Variants in PRKAB1 observed in about 807,000 individuals in gnomAD.
PRKAB1 encodes the protein 5'-AMP-activated protein kinase subunit beta-1.
In PRKAB1, 18 loss-of-function variants were observed where a neutral mutation model predicts 32.0. The observed-to-expected ratio is 0.56, with a 90% CI of 0.39 to 0.83. PRKAB1 has a LOEUF of 0.83. Ranked by LOEUF, PRKAB1 falls within the 40% of genes least tolerant of loss-of-function variation. The pLI, the probability that PRKAB1 is intolerant of heterozygous loss-of-function variation, is 0.00. For synonymous variants in PRKAB1, 141 were observed against 141.4 expected, an observed-to-expected ratio of 1.00 and a Z score of 0.02; for missense variants, 263 against 352.6, an observed-to-expected ratio of 0.75 and a Z score of 2.03.
chr12:119,671,338 AGT>A (rs912148373), intron 1 of PRKAB1, among the ~76,000 whole-genome samples: 4 of 152,262 alleles, frequency 2.6e-5, no homozygotes, highest in African/African-American at 9.6e-5. Context: ...AACATCATAG[AGT>A]GTACTTACAC....
chr12:119,670,465 A>G (rs571101637), intron 1 of PRKAB1, among the ~76,000 whole-genome samples: 1 of 152,232 alleles, frequency 6.6e-6, no homozygotes, highest in African/African-American at 2.4e-5. Context: ...TGCTCTCTGA[A>G]TTTGTTGCAT....
At chr12:119,669,049 G>A (rs2136848459) in intron 1 of PRKAB1, among the ~76,000 whole-genome samples, 1 of 151,478 alleles carries the variant, frequency 6.6e-6, no homozygotes, top group Non-Finnish European at 1.5e-5. Context: ...CCCGGGAGGC[G>A]CAGCTTGCAG....
chr12:119,668,228 C>A lies in PRKAB1; in HGVS notation c.-17C>A. The A allele has an allele frequency of 6.4e-7, 1 of 1,556,464 alleles. No homozygotes were observed. The highest frequency in any genetic ancestry group is 1.4e-5 in the African/African-American group (1 of 71,090). On this transcript the variant is annotated 5_prime_UTR_variant, in exon 1 of 7. Coordinates refer to ENST00000229328, the MANE Select transcript of PRKAB1 (RefSeq NM_006253.5). Reference sequence around the variant, plus strand: ...GAGGCGCCGTCCGCCTTCCCTGTGTCCCCGCAGACCCCCATCATGGGCAAT... The same window carrying A: ...GAGGCGCCGTCCGCCTTCCCTGTGTACCCGCAGACCCCCATCATGGGCAAT...
chr12:119,674,053 C>G lies in PRKAB1; in HGVS notation c.413C>G (p.Ser138Cys). Residue 138 changes from serine (S) to cysteine (C), a missense_variant, in exon 3 of 7, where the codon TCC becomes TGC. By Grantham distance (112) the Ser-to-Cys change is moderately radical (BLOSUM62 -1). Coordinates refer to ENST00000229328, the MANE Select transcript of PRKAB1 (RefSeq NM_006253.5). The surrounding 1 kb of genome is among the most constrained non-coding windows in gnomAD (Gnocchi z 4.3). ...GATGGTCAGTGGACGCACGACCCTT[C>G]CGAGGTACTCTTCCTCCCACCTCTG... is the stretch of plus-strand genomic sequence containing the variant. ...FVDGQWTHDP[S>C]EPIVTSQLGT... The G allele has an allele frequency of 6.2e-7, 1 of 1,613,324 alleles. No individual in the cohort carries two copies. Among genetic ancestry groups the G allele is most frequent in the Non-Finnish European group, 8.5e-7 (1 of 1,179,554 alleles).
In PRKAB1 at chr12:119,679,943, C is replaced by T; in HGVS notation, c.677C>T (p.Ala226Val). The change falls in exon 6 of 7, where the codon GCT becomes GTT. Residue 226 changes from alanine (A) to valine (V), a missense_variant. Physicochemically the swap from Ala to Val is moderately conservative, Grantham distance 64. Transcript: ENST00000229328. The surrounding 1 kb of genome is among the most constrained non-coding windows in gnomAD (Gnocchi z 4.1). Reference sequence around the variant, plus strand: ...TTTGTTCCCTCACAGTGTGATCCAGCTTTGCTTCCTGAGCCCAATCACGTC... The same window carrying T: ...TTTGTTCCCTCACAGTGTGATCCAGTTTTGCTTCCTGAGCCCAATCACGTC... ...NKDTGISCDP[A>V]LLPEPNHVML... 6.2e-7 allele frequency: 1 copy of T among 1,614,150 alleles called. No homozygotes were observed. Among genetic ancestry groups the T allele is most frequent in the South Asian group, 1.1e-5 (1 of 91,086 alleles).
At chr12:119,671,506 A>G in intron 1 of PRKAB1, 1 of 419,664 alleles carries the variant, frequency 2.4e-6, no homozygotes, top group Non-Finnish European at 4.8e-6. Flanking sequence ...ACGGCAGAAG[A>G]GAATGAGAGC....
At position 119,676,619 on chromosome 12, in the gene PRKAB1, T is replaced by C. The variant is rs1955428274; in HGVS notation, c.615T>C (p.Ile205=). Reference sequence around the variant, plus strand: ...AAGAGCGCTTTCGGGCACCCCCTATTCTCCCCCCACATCTCCTCCAGGTCA... The same window carrying C: ...AAGAGCGCTTTCGGGCACCCCCTATCCTCCCCCCACATCTCCTCCAGGTCA... ...KPEERFRAPP[I]LPPHLLQVIL... is the part of the protein sequence containing the mutation. The change falls in exon 5 of 7, where the codon ATT becomes ATC. Residue 205 remains isoleucine (I), a synonymous_variant. Transcript: ENST00000229328. 8 of 1,613,304 alleles carry C rather than the reference T, an allele frequency of 5.0e-6. No individual in the cohort carries two copies. Among genetic ancestry groups the C allele is most frequent in the Non-Finnish European group, 6.8e-6 (8 of 1,179,798 alleles).
intron 2 of PRKAB1, among the ~76,000 whole-genome samples, chr12:119,672,959 G>A (rs532041246): frequency 2.0e-5 from 3 of 152,326 alleles, no homozygotes; most frequent in African/African-American, 7.2e-5. Flanking sequence ...CTGGGCATGG[G>A]GGCTCATGCC....
At chr12:119,669,061 G>A (rs1432337327) in intron 1 of PRKAB1, among the ~76,000 whole-genome samples, 1 of 151,478 alleles carries the variant, frequency 6.6e-6, no homozygotes, top group South Asian at 2.1e-4. Context: ...AGCTTGCAGT[G>A]AGCCGAGGTC....
chr12:119,676,742 C>T (rs1182109163), intron 5 of PRKAB1, 72 bp downstream of exon 5: 1 of 1,547,776 alleles, frequency 6.5e-7, no homozygotes, highest in East Asian at 2.3e-5. Flanking sequence ...CTGTGTCCAC[C>T]TCTTGCAAAG....
intron 2 of PRKAB1, among the ~76,000 whole-genome samples, chr12:119,673,441 C>T (rs913904010): frequency 1.3e-5 from 2 of 152,146 alleles, no homozygotes; most frequent in Non-Finnish European, 2.9e-5. Context: ...AAGGAGGGAG[C>T]CACTCAGCAC....
intron 1 of PRKAB1, among the ~76,000 whole-genome samples, chr12:119,670,399 G>A (rs1955378641): frequency 6.6e-6 from 1 of 152,066 alleles, no homozygotes; most frequent in African/African-American, 2.4e-5. Context: ...TCTTAGTTTT[G>A]AGCCTGACTA....
Position 119,680,246 on chromosome 12 carries a change from A to T in PRKAB1, c.736-2A>T. The T allele has an allele frequency of 6.2e-7, 1 of 1,613,680 alleles. No homozygotes were observed. The highest frequency in any genetic ancestry group is 8.5e-7 in the Non-Finnish European group (1 of 1,179,626). On this transcript the variant is annotated splice_acceptor_variant, in intron 6 of 6. Coordinates refer to ENST00000229328, the MANE Select transcript of PRKAB1 (RefSeq NM_006253.5). LOFTEE classifies it high-confidence loss of function. ...TTTGATCATTTCCACCTTGTTCCTT[A>T]GGATGGAGTGATGGTGCTCAGCGCA...
At position 119,676,653 on chromosome 12, in the gene PRKAB1, A is replaced by G. The variant is rs1451040977; in HGVS notation, c.649A>G (p.Lys217Glu). The G allele has an allele frequency of 3.7e-6, 6 of 1,613,730 alleles. No individual in the cohort carries two copies. Among genetic ancestry groups the G allele is most frequent in the Non-Finnish European group, 4.2e-6 (5 of 1,179,868 alleles). ...PPHLLQVILNKDTGISCDPAL... is the reference protein window; with the variant it reads ...PPHLLQVILNEDTGISCDPAL... Reference sequence around the variant, plus strand: ...ACATCTCCTCCAGGTCATCCTGAACAAGGACACGGGGATTTCCGTAAGTAT... The same window carrying G: ...ACATCTCCTCCAGGTCATCCTGAACGAGGACACGGGGATTTCCGTAAGTAT... Residue 217 changes from lysine (K) to glutamate (E), a missense_variant, in exon 5 of 7, where the codon AAG becomes GAG. Lys to Glu is a moderately conservative substitution (Grantham distance 56, BLOSUM62 1). Coordinates refer to ENST00000229328, the MANE Select transcript of PRKAB1 (RefSeq NM_006253.5).
chr12:119,667,997 C>G (rs1263151906), upstream of PRKAB1: 9 of 496,930 alleles, frequency 1.8e-5, no homozygotes, highest in East Asian at 2.6e-4. Flanking sequence ...GGGAAAGTGT[C>G]GGTTTATCTT....
chr12:119,679,205 C>G lies in PRKAB1; in HGVS notation c.667-728C>G, dbSNP rs774776007. On this transcript the variant is annotated intron_variant, in intron 5 of 6. Coordinates refer to ENST00000229328, the MANE Select transcript of PRKAB1 (RefSeq NM_006253.5). The surrounding 1 kb of genome is among the most constrained non-coding windows in gnomAD (Gnocchi z 4.1). ...TGGCTGAGCCAGCAGTCACATCAGG[C>G]TTGGCTGGTGCCAGATCCTTGGTAG... The G allele has an allele frequency of 6.6e-6, 1 of 152,288 alleles. No individual in the cohort carries two copies. The highest frequency in any genetic ancestry group is 1.5e-5 in the Non-Finnish European group (1 of 68,084). 9.4% of individuals were successfully genotyped at this position (152,288 alleles called of 1,614,324 possible).
At position 119,680,010 on chromosome 12, in the gene PRKAB1, A is replaced by G. The variant is rs1565877653; in HGVS notation, c.735+9A>G. The G allele has an allele frequency of 1.2e-6, 2 of 1,610,620 alleles. No individual in the cohort carries two copies. The highest frequency in any genetic ancestry group is 2.2e-5 in the East Asian group (1 of 44,866). On this transcript the variant is annotated intron_variant, in intron 6 of 6. Transcript: ENST00000229328. ...ACGCGCTGTCTATCAAGGTAATGACATGTCTGTCCCCATGAGAGCTGTGTT... is the reference window on the plus strand; with the variant it reads ...ACGCGCTGTCTATCAAGGTAATGACGTGTCTGTCCCCATGAGAGCTGTGTT...
Position 119,679,893 on chromosome 12 carries a change from C to T in PRKAB1, c.667-40C>T, listed in dbSNP as rs368113623. The T allele has an allele frequency of 1.9e-6, 3 of 1,602,624 alleles. No individual in the cohort carries two copies. The highest frequency in any genetic ancestry group is 1.3e-5 in the African/African-American group (1 of 74,654). ...AAGTAAAGGGGAGAATCTTGGTTTC[C>T]AAATCCCAAATGCTCACCGCTGCCT... On this transcript the variant is annotated intron_variant, in intron 5 of 6. Transcript: ENST00000229328. The surrounding 1 kb of genome is among the most constrained non-coding windows in gnomAD (Gnocchi z 4.1).
In PRKAB1 at chr12:119,676,671, G is replaced by T. The variant is rs774289770; in HGVS notation, c.666+1G>T. 6.8e-6 allele frequency: 11 copies of T among 1,613,368 alleles called. No homozygotes were observed. Among genetic ancestry groups the T allele is most frequent in the Non-Finnish European group, 5.9e-6 (7 of 1,179,562 alleles). ...CCTGAACAAGGACACGGGGATTTCC[G>T]TAAGTATGTGGGCATCTGCCCGGAC... On this transcript the variant is annotated splice_donor_variant, in intron 5 of 6. Coordinates refer to ENST00000229328, the MANE Select transcript of PRKAB1 (RefSeq NM_006253.5). LOFTEE classifies it high-confidence loss of function.
Sources: allele counts gnomAD v4.1 joint callset (sites outside exome capture counted in the v4.1 genomes callset), GRCh38; gene constraint gnomAD v4.1.1; non-coding constraint Gnocchi (gnomAD v3.1); transcripts MANE v1.5; gene names NCBI Gene and HGNC (gene_info 2026-07-23, HGNC 2026-07-21).